Variants in ERBB4 observed in about 807,000 individuals in gnomAD.
The protein encoded by ERBB4 is erb-b2 receptor tyrosine kinase 4.
ERBB4 carries 42 observed loss-of-function variants against 158.0 expected under a neutral mutation model. The observed-to-expected ratio is 0.27, with a 90% CI of 0.21 to 0.34. The LOEUF (loss-of-function observed/expected upper bound fraction) is 0.34. Among genes scored for constraint, ERBB4 ranks in the 10% least tolerant of loss-of-function variants. ERBB4 has a pLI of 1.00. For synonymous variants in ERBB4, 583 were observed against 558.7 expected, an observed-to-expected ratio of 1.04 and a Z score of -0.61; for missense variants, 1,333 against 1,624.1, an observed-to-expected ratio of 0.82 and a Z score of 3.08.
intron 3 of ERBB4, among the ~76,000 whole-genome samples, chr2:211,816,597 T>C (rs2076886021): frequency 2.0e-5 from 3 of 148,846 alleles, no homozygotes; most frequent in African/African-American, 7.4e-5. Context: ...TGAATAAGCA[T>C]TGATAAACAT....
intron 19 of ERBB4, among the ~76,000 whole-genome samples, chr2:211,613,993 C>T (rs2069293761): frequency 6.6e-6 from 1 of 151,944 alleles, no homozygotes; most frequent in Non-Finnish European, 1.5e-5. Context: ...GCACTACTTA[C>T]AATAGGTTAG....
intron 3 of ERBB4, among the ~76,000 whole-genome samples, chr2:211,813,406 A>G (rs559340845): frequency 1.3e-5 from 2 of 152,330 alleles, no homozygotes; most frequent in Non-Finnish European, 2.9e-5. Flanking sequence ...AATAATATAA[A>G]GAAATGAATT....
At chr2:212,309,939 G>A (rs924084401) in intron 1 of ERBB4, among the ~76,000 whole-genome samples, 2 of 150,424 alleles carry the variant, frequency 1.3e-5, no homozygotes, top group Non-Finnish European at 3.0e-5. Flanking sequence ...ATATCAACAT[G>A]TTGGGCCATG....
chr2:211,587,916 T>C (rs1341395236), intron 19 of ERBB4, among the ~76,000 whole-genome samples: 2 of 152,166 alleles, frequency 1.3e-5, no homozygotes, highest in South Asian at 2.1e-4. Context: ...AGGTTCTTAA[T>C]TGCGGCATTG....
At chr2:211,427,146 CT>C (rs2063646317) in intron 22 of ERBB4, among the ~76,000 whole-genome samples, 3 of 151,866 alleles carry the variant, frequency 2.0e-5, no homozygotes, top group Admixed American at 2.0e-4. Context: ...GTCTTAAATA[CT>C]TTTTTAAAGA....
chr2:211,391,498 G>A (rs1574396715), intron 25 of ERBB4, among the ~76,000 whole-genome samples: 1 of 152,278 alleles, frequency 6.6e-6, no homozygotes, highest in South Asian at 2.1e-4. Context: ...AAAGAGGCGG[G>A]TTAGGAACTG....
intron 1 of ERBB4, among the ~76,000 whole-genome samples, chr2:212,192,067 A>ATGTTATATATATGT (rs1559708185): frequency 1.0e-3 from 91 of 89,058 alleles, no homozygotes; most frequent in African/African-American, 3.5e-3. Context: ...TATATATGTT[A>ATGTTATATATATGT]TATGTTATAT....
intron 20 of ERBB4, among the ~76,000 whole-genome samples, chr2:211,477,746 G>A (rs901241335): frequency 2.0e-5 from 3 of 151,942 alleles, no homozygotes; most frequent in African/African-American, 7.3e-5. Context: ...TAATTCTCTT[G>A]GAAACCATAA....
intron 20 of ERBB4, among the ~76,000 whole-genome samples, chr2:211,494,415 A>G (rs2065419593): frequency 1.3e-5 from 2 of 152,052 alleles, no homozygotes; most frequent in South Asian, 4.1e-4. Flanking sequence ...ATGCCACAGC[A>G]GTAAACATGA....
intron 1 of ERBB4, among the ~76,000 whole-genome samples, chr2:212,461,218 C>T (rs1688555640): frequency 6.6e-6 from 1 of 152,068 alleles, no homozygotes; most frequent in Non-Finnish European, 1.5e-5. Flanking sequence ...AATGGTAGAC[C>T]CAGTGACGGC....
At chr2:211,982,983 A>G (rs921482250) in intron 2 of ERBB4, among the ~76,000 whole-genome samples, 2 of 152,182 alleles carry the variant, frequency 1.3e-5, no homozygotes, top group African/African-American at 4.8e-5. Context: ...TTGACTTTTT[A>G]AAAATGTTAT....
rs1251373729 is a variant in ERBB4, at chr2:212,393,986, T to G, written c.82+144463A>C. 2.6e-5 allele frequency among the ~76,000 whole-genome samples: 4 copies of G among 152,136 alleles called. No homozygotes were observed. In the East Asian group the frequency reaches 5.8e-4, roughly 22 times the overall value. ...GTCAAATGCTAAATATGGCAAAATTTCTATTAGTCTGAGTTGTTGAATGAC... is the reference window on the plus strand; with the variant it reads ...GTCAAATGCTAAATATGGCAAAATTGCTATTAGTCTGAGTTGTTGAATGAC... On this transcript the variant is annotated intron_variant, in intron 1 of 27. Coordinates refer to ENST00000342788, the MANE Select transcript of ERBB4 (RefSeq NM_005235.3).
At chr2:211,585,782 G>A (rs2068257007) in intron 19 of ERBB4, among the ~76,000 whole-genome samples, 1 of 152,026 alleles carries the variant, frequency 6.6e-6, no homozygotes, top group Non-Finnish European at 1.5e-5. Context: ...GGTGCAGACT[G>A]TCTATTCTCA....
At chr2:212,401,604 T>C (rs1247861768) in intron 1 of ERBB4, among the ~76,000 whole-genome samples, 2 of 152,172 alleles carry the variant, frequency 1.3e-5, no homozygotes, top group African/African-American at 2.4e-5. Flanking sequence ...TAAGCTTAGC[T>C]TATGAAGTAT....
chr2:212,080,969 T>C (rs1197402579), intron 2 of ERBB4, among the ~76,000 whole-genome samples: 1 of 152,182 alleles, frequency 6.6e-6, no homozygotes, highest in African/African-American at 2.4e-5. Context: ...ATTTGGAACA[T>C]TCTTCATAGA....
chr2:212,475,606 T>C (rs1677608751), intron 1 of ERBB4, among the ~76,000 whole-genome samples: 1 of 152,144 alleles, frequency 6.6e-6, no homozygotes, highest in Non-Finnish European at 1.5e-5. Context: ...TACCTACTCA[T>C]GAATCTCTTT....
At chr2:211,964,062 C>T (rs947733222) in intron 2 of ERBB4, among the ~76,000 whole-genome samples, 5 of 152,132 alleles carry the variant, frequency 3.3e-5, no homozygotes, top group African/African-American at 1.2e-4. Flanking sequence ...GACAAAGACA[C>T]ATGGTATTTC....
chr2:211,465,443 T>C (rs2125512412), intron 20 of ERBB4, among the ~76,000 whole-genome samples: 1 of 151,160 alleles, frequency 6.6e-6, no homozygotes, highest in African/African-American at 2.4e-5. Flanking sequence ...AAAAATGACA[T>C]CATAGCTTTA....
chr2:211,694,570 T>G (rs2072942054), intron 12 of ERBB4, among the ~76,000 whole-genome samples: 1 of 151,846 alleles, frequency 6.6e-6, no homozygotes, highest in African/African-American at 2.4e-5. Flanking sequence ...GCTTTTTTTT[T>G]TTTACAAAGA....
Sources: gnomAD v4.1 joint callset for allele counts (sites outside exome capture counted in the v4.1 genomes callset) on GRCh38, gnomAD v4.1.1 for gene constraint, MANE v1.5 for transcripts, NCBI Gene and HGNC (gene_info 2026-07-23, HGNC 2026-07-21) for gene names.